Variants in DSCAML1 observed in about 807,000 individuals in gnomAD.
The protein encoded by DSCAML1 is DS cell adhesion molecule like 1.
Under a neutral mutation model 200.5 loss-of-function variants are expected in DSCAML1, and 38 were observed. That is an observed-to-expected ratio of 0.19 (90% CI 0.15 to 0.25). The LOEUF is 0.25. DSCAML1 is among the 10% of genes least tolerant of loss of function. The pLI is 1.00. For synonymous variants in DSCAML1, 1,215 were observed against 1,165.0 expected (o/e 1.04, Z -0.87); for missense variants, 2,223 against 2,858.8 (o/e 0.78, Z 5.07).
chr11:117,757,962 G>A (rs576964681), intron 3 of DSCAML1, among the ~76,000 whole-genome samples: 64 of 151,744 alleles, frequency 4.2e-4, no homozygotes, highest in Admixed American at 1.1e-3. Flanking sequence ...TGCATCCAGC[G>A]GGGATAACAA....
intron 8 of DSCAML1, among the ~76,000 whole-genome samples, chr11:117,514,285 C>T (rs921493089): frequency 6.6e-5 from 10 of 152,256 alleles, no homozygotes; most frequent in East Asian, 1.9e-4. Flanking sequence ...GCTTCCCCTC[C>T]CCACTGCCCT....
chr11:117,518,591 G>A lies in DSCAML1; in HGVS notation c.1385C>T (p.Ser462Leu), dbSNP rs935338538. ...GSHRTNQYTM[S>L]DGTTISHMNV... ...CATGTGGCTGATGGTGGTGCCGTCC[G>A]ACATGGTGTACTGGTTGGTGCGGTG... Residue 462 changes from serine to leucine, a missense_variant, in exon 7 of 33, where the codon TCG (serine) becomes TTG (leucine). By Grantham distance (145) the Ser-to-Leu change is moderately radical. Coordinates refer to ENST00000651296, the MANE Select transcript of DSCAML1 (RefSeq NM_020693.4). This position sits in a 1 kb window ranked among gnomAD's most constrained non-coding sequence, Gnocchi z 6.3. 8.1e-6 allele frequency: 13 copies of A among 1,613,868 alleles called. No homozygotes were observed. The highest frequency in any genetic ancestry group is 1.6e-4 in the Middle Eastern group (1 of 6,084).
chr11:117,554,735 C>T (rs1318124904), intron 3 of DSCAML1, among the ~76,000 whole-genome samples: 1 of 152,110 alleles, frequency 6.6e-6, no homozygotes, highest in African/African-American at 2.4e-5. Context: ...AAGTGAGGCT[C>T]AGAAGTGCAG....
chr11:117,542,355 A>ACAAC (rs777180049), intron 3 of DSCAML1, among the ~76,000 whole-genome samples: 23 of 150,194 alleles, frequency 1.5e-4, no homozygotes, highest in African/African-American at 4.5e-4. Context: ...AACAACAACA[A>ACAAC]AAAAAAAACA....
intron 1 of DSCAML1, among the ~76,000 whole-genome samples, chr11:117,795,671 A>T (rs1439989370): frequency 6.6e-6 from 1 of 152,168 alleles, no homozygotes; most frequent in Non-Finnish European, 1.5e-5. Flanking sequence ...TGCCAGCAGT[A>T]TCTGGGCCTT....
At chr11:117,638,874 TC>T (rs1335959071) in intron 3 of DSCAML1, among the ~76,000 whole-genome samples, 1 of 152,190 alleles carries the variant, frequency 6.6e-6, no homozygotes, top group Non-Finnish European at 1.5e-5. Context: ...ATGTATGTTT[TC>T]CTTTTTCTTG....
intron 3 of DSCAML1, among the ~76,000 whole-genome samples, chr11:117,656,544 T>TATCTATCC (rs1382846140): frequency 1.1e-3 from 154 of 141,404 alleles, no homozygotes; most frequent in African/African-American, 3.4e-3. Flanking sequence ...TCTATCTATC[T>TATCTATCC]ATCCATCCAT....
chr11:117,519,773 T>C (rs76467987), intron 6 of DSCAML1, among the ~76,000 whole-genome samples: 7,122 of 152,270 alleles, frequency 0.047, 232 homozygotes, highest in East Asian at 0.12. Flanking sequence ...TGAGCTATGA[T>C]TGCATCACTG....
chr11:117,431,988 A>G (rs184792011), intron 30 of DSCAML1, among the ~76,000 whole-genome samples: 3 of 152,152 alleles, frequency 2.0e-5, no homozygotes, highest in Admixed American at 1.3e-4. Flanking sequence ...GGAGAATGTG[A>G]TGTCCTTTCC....
intron 11 of DSCAML1, among the ~76,000 whole-genome samples, chr11:117,494,027 G>A (rs1345934058): frequency 6.6e-6 from 1 of 152,180 alleles, no homozygotes; most frequent in African/African-American, 2.4e-5. Flanking sequence ...GGCTAATGCT[G>A]TACATGAATT....
intron 3 of DSCAML1, among the ~76,000 whole-genome samples, chr11:117,566,229 A>G (rs2050752895): frequency 6.6e-6 from 1 of 152,012 alleles, no homozygotes; most frequent in South Asian, 2.1e-4. Flanking sequence ...AAGTCAGGCT[A>G]CCCTCCACCC....
At chr11:117,596,408 A>G (rs1315394800) in intron 3 of DSCAML1, among the ~76,000 whole-genome samples, 6 of 151,520 alleles carry the variant, frequency 4.0e-5, no homozygotes, top group Non-Finnish European at 8.8e-5. Context: ...AAAAAATCTC[A>G]GTAGGACATG....
chr11:117,665,861 G>A (rs543598760), intron 3 of DSCAML1, among the ~76,000 whole-genome samples: 1 of 151,388 alleles, frequency 6.6e-6, no homozygotes, highest in Non-Finnish European at 1.5e-5. Flanking sequence ...GAAAGAAACA[G>A]GGATCTATAG....
intron 14 of DSCAML1, among the ~76,000 whole-genome samples, chr11:117,479,004 C>T (rs2048854048): frequency 6.6e-6 from 1 of 152,258 alleles, no homozygotes; most frequent in African/African-American, 2.4e-5. Flanking sequence ...ATGACTGACC[C>T]AGGTCCCTGG....
At chr11:117,772,304 A>C (rs140422603) in intron 3 of DSCAML1, among the ~76,000 whole-genome samples, 6 of 152,270 alleles carry the variant, frequency 3.9e-5, no homozygotes, top group Non-Finnish European at 8.8e-5. Flanking sequence ...GCACTGCCTG[A>C]TAGGAATCCT....
chr11:117,687,865 G>A (rs2053432176), intron 3 of DSCAML1, among the ~76,000 whole-genome samples: 1 of 152,154 alleles, frequency 6.6e-6, no homozygotes, highest in Non-Finnish European at 1.5e-5. Flanking sequence ...GGGGAAAGAG[G>A]GCTGGATGGT....
At chr11:117,429,225 C>T (rs911824371) in intron 32 of DSCAML1, among the ~76,000 whole-genome samples, 2 of 152,142 alleles carry the variant, frequency 1.3e-5, no homozygotes, top group Admixed American at 6.5e-5. Flanking sequence ...TTTCTTTACC[C>T]TGAGGAGGAA....
At chr11:117,795,123 A>C (rs2134076898) in intron 1 of DSCAML1, among the ~76,000 whole-genome samples, 1 of 152,098 alleles carries the variant, frequency 6.6e-6, no homozygotes, top group East Asian at 1.9e-4. Context: ...AGGCTCCTGG[A>C]AGGGGGAGGG....
chr11:117,582,520 A>T (rs548731943), intron 3 of DSCAML1, among the ~76,000 whole-genome samples: 13 of 152,258 alleles, frequency 8.5e-5, no homozygotes, highest in Non-Finnish European at 1.6e-4. Context: ...TGGAGGTTTC[A>T]TAAATATAAA....
Sources: allele counts gnomAD v4.1 joint callset (sites outside exome capture counted in the v4.1 genomes callset), GRCh38; gene constraint gnomAD v4.1.1; non-coding constraint Gnocchi (gnomAD v3.1); transcripts MANE v1.5; gene names NCBI Gene and HGNC (gene_info 2026-07-23, HGNC 2026-07-21).